Variants in ELMOD1 observed in about 807,000 individuals in gnomAD.
ELMOD1 encodes ELMO domain-containing protein 1.
A neutral mutation model predicts 46.7 loss-of-function variants in ELMOD1; 21 were observed. That is an observed-to-expected ratio of 0.45 (90% CI 0.32 to 0.65). ELMOD1 has a LOEUF of 0.65. ELMOD1 is among the 30% of genes least tolerant of loss of function. The pLI, the probability that ELMOD1 is intolerant of heterozygous loss-of-function variation, is 0.04. For synonymous variants in ELMOD1, 122 were observed against 138.2 expected (o/e 0.88, Z 0.82); for missense variants, 348 against 407.8 (o/e 0.85, Z 1.26).
chr11:107,642,433 A>G (rs1418240751), intron 6 of ELMOD1, among the ~76,000 whole-genome samples: 4 of 151,708 alleles, frequency 2.6e-5, no homozygotes, highest in Non-Finnish European at 4.4e-5. Context: ...CAGTGGCACG[A>G]TCTCGGCTCA....
intron 11 of ELMOD1, among the ~76,000 whole-genome samples, chr11:107,659,108 G>A (rs10789629): frequency 0.54 from 81,981 of 152,002 alleles, 23,729 homozygotes; most frequent in Non-Finnish European, 0.63. Context: ...AAAAGAGTAT[G>A]TGGATTTAAG....
At chr11:107,634,169 A>G (rs1270635927) in intron 5 of ELMOD1, among the ~76,000 whole-genome samples, 1 of 152,200 alleles carries the variant, frequency 6.6e-6, no homozygotes, top group African/African-American at 2.4e-5. Flanking sequence ...AGAGTATCAT[A>G]TGCAATTGCC....
At chr11:107,591,779 G>C (rs1865398421) in intron 1 of ELMOD1, 1 of 461,336 alleles carries the variant, frequency 2.2e-6, no homozygotes, top group African/African-American at 2.0e-5. Context: ...GACAAGGGCG[G>C]CCTGGCTGGG....
chr11:107,664,813 A>G (rs1048530263), intron 11 of ELMOD1, among the ~76,000 whole-genome samples: 9 of 152,090 alleles, frequency 5.9e-5, no homozygotes, highest in African/African-American at 1.7e-4. Context: ...TCCAGGGCCA[A>G]TTGCAAAAAG....
At chr11:107,649,561 A>G (rs1866490066) in intron 7 of ELMOD1, among the ~76,000 whole-genome samples, 1 of 152,246 alleles carries the variant, frequency 6.6e-6, no homozygotes, top group Admixed American at 6.5e-5. Flanking sequence ...GAGGAAACCC[A>G]GATAACTGAC....
intron 1 of ELMOD1, among the ~76,000 whole-genome samples, chr11:107,607,825 C>G (rs1187515552): frequency 6.6e-6 from 1 of 152,052 alleles, no homozygotes; most frequent in Non-Finnish European, 1.5e-5. Context: ...ACATGTCATT[C>G]TTTTCTTTCT....
intron 2 of ELMOD1, 23 bp downstream of exon 2, chr11:107,618,229 C>T (rs1364090039): frequency 1.3e-6 from 2 of 1,556,536 alleles, no homozygotes; most frequent in Non-Finnish European, 1.7e-6. Flanking sequence ...GGTTCCCTGG[C>T]TGAGCCCTCT....
chr11:107,651,763 C>T (rs181011915), intron 9 of ELMOD1, among the ~76,000 whole-genome samples: 1 of 152,292 alleles, frequency 6.6e-6, no homozygotes, highest in Admixed American at 6.5e-5. Context: ...TCAATCCATG[C>T]TCTCAGGTGG....
intron 1 of ELMOD1, chr11:107,591,883 CTGTG>C (rs1301147139): frequency 2.0e-6 from 1 of 490,006 alleles, no homozygotes; most frequent in Non-Finnish European, 4.2e-6. Context: ...GGCCGCCGGA[CTGTG>C]GGGTCCTCCG....
chr11:107,601,160 A>C (rs1865590716), intron 1 of ELMOD1, among the ~76,000 whole-genome samples: 1 of 151,980 alleles, frequency 6.6e-6, no homozygotes, highest in Non-Finnish European at 1.5e-5. Flanking sequence ...GCTGTTTCTT[A>C]GTATATTAAA....
chr11:107,598,968 C>T (rs1234296431), intron 1 of ELMOD1, among the ~76,000 whole-genome samples: 2 of 152,158 alleles, frequency 1.3e-5, no homozygotes, highest in Non-Finnish European at 2.9e-5. Context: ...CTATTGAGCA[C>T]ACAACACTGA....
At chr11:107,596,260 ATAAT>A (rs1309122563) in intron 1 of ELMOD1, among the ~76,000 whole-genome samples, 2 of 152,100 alleles carry the variant, frequency 1.3e-5, no homozygotes, top group African/African-American at 4.8e-5. Flanking sequence ...AATGAAACTA[ATAAT>A]TTATTTATCT....
In ELMOD1 at chr11:107,625,526, A is replaced by C. The variant is rs757522864; in HGVS notation, c.18-4891A>C. On this transcript the variant is annotated intron_variant, in intron 2 of 11. Coordinates refer to ENST00000265840, the MANE Select transcript of ELMOD1 (RefSeq NM_018712.4). ...ATTTAGGATGATGGCATAGTGTTGC[A>C]TTACAGGTACCCACACCCCCTCACC... 9.1e-6 allele frequency: 9 copies of C among 985,316 alleles called. No homozygotes were observed. In the African/African-American group the frequency reaches 1.2e-4, roughly 13 times the overall value. The allele number at this position is 985,316 out of a possible 1,614,324, so 61.0% of individuals were successfully genotyped here. A position where few individuals can be genotyped will look rare whatever the true frequency, so the allele number is the denominator to read the frequency against.
intron 1 of ELMOD1, among the ~76,000 whole-genome samples, chr11:107,615,650 G>A (rs1865849669): frequency 1.3e-5 from 2 of 152,048 alleles, no homozygotes; most frequent in South Asian, 2.1e-4. Context: ...TTTACCTAAT[G>A]TCCTTTTTTC....
chr11:107,611,968 C>G (rs1191071894), intron 1 of ELMOD1, among the ~76,000 whole-genome samples: 1 of 152,114 alleles, frequency 6.6e-6, no homozygotes. Flanking sequence ...GGCAATATCT[C>G]AAAGACCTTA....
intron 11 of ELMOD1, among the ~76,000 whole-genome samples, chr11:107,659,878 A>G (rs949331921): frequency 2.0e-5 from 3 of 152,110 alleles, no homozygotes; most frequent in African/African-American, 7.2e-5. Flanking sequence ...CCTGGGTAAC[A>G]TGGTGAAACT....
In ELMOD1 at chr11:107,666,414, A is replaced by G; in HGVS notation, c.*1217A>G. The G allele has an allele frequency of 6.6e-6, 1 of 152,500 alleles. No individual in the cohort carries two copies. The highest frequency in any genetic ancestry group is 1.9e-4 in the East Asian group (1 of 5,196). 9.4% of individuals were successfully genotyped at this position (152,500 alleles called of 1,614,324 possible). ...TCTATGTCAAGGGGCAATATTAAAAAACAATTTGCAAGAAAATGTGTTTCA... is the reference window on the plus strand; with the variant it reads ...TCTATGTCAAGGGGCAATATTAAAAGACAATTTGCAAGAAAATGTGTTTCA... On this transcript the variant is annotated 3_prime_UTR_variant, in exon 12 of 12. Transcript: ENST00000265840.
intron 1 of ELMOD1, among the ~76,000 whole-genome samples, chr11:107,607,147 A>G (rs1423071108): frequency 6.6e-6 from 1 of 152,206 alleles, no homozygotes; most frequent in Non-Finnish European, 1.5e-5. Flanking sequence ...TTTCTGTTTG[A>G]TTCCAAAATC....
At chr11:107,654,103 C>A in intron 9 of ELMOD1, 69 bp from the exon 10 acceptor site, 1 of 1,275,444 alleles carries the variant, frequency 7.8e-7, no homozygotes, top group Non-Finnish European at 1.1e-6. Context: ...TTAACATAAG[C>A]ATTAAAAGAG....
Sources: gnomAD v4.1 joint callset for allele counts (sites outside exome capture counted in the v4.1 genomes callset) on GRCh38, gnomAD v4.1.1 for gene constraint, MANE v1.5 for transcripts, NCBI Gene and HGNC (gene_info 2026-07-23, HGNC 2026-07-21) for gene names.